TDP1: variants seen among roughly 807,000 people sequenced by gnomAD.
The protein encoded by TDP1 is tyrosyl-DNA phosphodiesterase 1.
In TDP1, 64 loss-of-function variants were observed where a neutral mutation model predicts 81.5. The observed-to-expected ratio is 0.79, with a 90% CI of 0.64 to 0.97. The LOEUF (loss-of-function observed/expected upper bound fraction) is 0.97, where lower values mean the gene tolerates loss of function less well. Ranked by LOEUF, TDP1 falls within the 50% of genes least tolerant of loss-of-function variation. TDP1 has a pLI of 0.00. For missense variants in TDP1, 723 were observed against 743.8 expected (o/e 0.97, Z 0.33); for synonymous variants, 256 against 264.3 (o/e 0.97, Z 0.30).
rs35575414 is a variant in TDP1, at chr14:89,989,169, A to G, written c.1317+79A>G. On this transcript the variant is annotated intron_variant, in intron 11 of 16. Coordinates refer to ENST00000335725, the MANE Select transcript of TDP1 (RefSeq NM_018319.4). ...GAATTGAAAATTGGTCCTCTTTGTA[A>G]TGGAGAGATGTTTTATTCTGTGATT... 1.4e-3 allele frequency: 1,737 copies of G among 1,210,198 alleles called. 18 individuals are homozygous for G. The African/African-American group carries it at 0.023, about 16-fold the overall frequency. 75.0% of individuals were successfully genotyped at this position (1,210,198 alleles called of 1,614,324 possible).
At chr14:90,007,543 C>T (rs763060950) in intron 14 of TDP1, among the ~76,000 whole-genome samples, 13 of 152,164 alleles carry the variant, frequency 8.5e-5, no homozygotes, top group East Asian at 3.9e-4. Context: ...GAGCTGAGAT[C>T]GCTCCACTGC....
chr14:90,022,166 C>T (rs1886162710), intron 15 of TDP1, among the ~76,000 whole-genome samples: 1 of 152,210 alleles, frequency 6.6e-6, no homozygotes, highest in Admixed American at 6.5e-5. Flanking sequence ...GAGACAGAGA[C>T]ATCCTTCCTG....
intron 7 of TDP1, chr14:89,980,318 C>A: frequency 1.3e-5 from 13 of 985,218 alleles, no homozygotes; most frequent in Non-Finnish European, 1.6e-5. Context: ...GTTGAAAGTT[C>A]TTTTACCACC....
chr14:89,989,191 GA>G (rs1895903729), intron 11 of TDP1, 101 bp downstream of exon 11: 59 of 811,842 alleles, frequency 7.3e-5, no homozygotes, highest in South Asian at 1.1e-4. Flanking sequence ...TTTATTCTGT[GA>G]TTCTTTTTTT....
chr14:89,983,661 T>TAAC (rs1895246858), intron 8 of TDP1, among the ~76,000 whole-genome samples: 1 of 152,246 alleles, frequency 6.6e-6, no homozygotes, highest in Non-Finnish European at 1.5e-5. Context: ...GCAGCCTTGT[T>TAAC]AACCCCACTT....
At chr14:89,984,107 C>T in intron 8 of TDP1, 1 of 985,340 alleles carries the variant, frequency 1.0e-6, no homozygotes, top group Non-Finnish European at 1.2e-6. Flanking sequence ...CAAATTCTTG[C>T]TTGGGATTAC....
At chr14:90,021,146 A>G (rs1251316659) in intron 15 of TDP1, among the ~76,000 whole-genome samples, 1 of 152,098 alleles carries the variant, frequency 6.6e-6, no homozygotes, top group Non-Finnish European at 1.5e-5. Flanking sequence ...AGCGTCGTTC[A>G]CTGTTTCTCA....
intron 12 of TDP1, among the ~76,000 whole-genome samples, chr14:89,990,434 T>TGG (rs1896046403): frequency 2.0e-5 from 3 of 152,158 alleles, no homozygotes; most frequent in Admixed American, 1.3e-4. Flanking sequence ...CATTTGTTGA[T>TGG]GGCTGAAAGC....
At chr14:89,956,477 C>G (rs1046584129) in intron 1 of TDP1, 101 bp from the exon 2 acceptor site, 1 of 152,410 alleles carries the variant, frequency 6.6e-6, no homozygotes, top group African/African-American at 2.4e-5. Flanking sequence ...GTAAGGTTAG[C>G]AGCTGCTGCC....
intron 14 of TDP1, among the ~76,000 whole-genome samples, chr14:89,998,370 CATTATATATATATA>C (rs1293408178): frequency 2.4e-4 from 24 of 98,294 alleles, no homozygotes; most frequent in African/African-American, 9.2e-4. Context: ...GTTCCAAGCA[CATTATATATATATA>C]TATATATATA....
chr14:89,960,243 C>G (rs1366024947), intron 2 of TDP1, among the ~76,000 whole-genome samples: 1 of 152,052 alleles, frequency 6.6e-6, no homozygotes, highest in Non-Finnish European at 1.5e-5. Context: ...CTTCTAGACT[C>G]TAGAACACTA....
chr14:90,016,724 T>TACACACAC (rs137874807), intron 14 of TDP1, among the ~76,000 whole-genome samples: 1 of 151,768 alleles, frequency 6.6e-6, no homozygotes, highest in African/African-American at 2.4e-5. Context: ...CTTTAAGAAA[T>TACACACAC]ACACACACAC....
intron 14 of TDP1, among the ~76,000 whole-genome samples, chr14:90,015,523 CT>C (rs1224412850): frequency 6.6e-6 from 1 of 152,194 alleles, no homozygotes; most frequent in Non-Finnish European, 1.5e-5. Context: ...GCTGTGGTGG[CT>C]TGGTGCCTCA....
chr14:90,022,980 A>T, intron 15 of TDP1: 1 of 744,716 alleles, frequency 1.3e-6, no homozygotes, highest in South Asian at 1.4e-5. Context: ...GGGACTACCC[A>T]CCTCCATACT....
chr14:89,958,258 C>T (rs1253323442), intron 2 of TDP1: 1 of 152,428 alleles, frequency 6.6e-6, no homozygotes, highest in Non-Finnish European at 1.5e-5. Context: ...GCAGCTCCCT[C>T]TCCCATTGCT....
intron 8 of TDP1, 156 bp from the exon 9 acceptor site, chr14:89,984,360 G>A (rs1297264915): frequency 1.0e-6 from 1 of 985,154 alleles, no homozygotes; most frequent in African/African-American, 1.7e-5. Context: ...CCATTGGAGT[G>A]GTGTTCTCAG....
At chr14:89,984,177 A>G in intron 8 of TDP1, 1 of 985,416 alleles carries the variant, frequency 1.0e-6, no homozygotes, top group Non-Finnish European at 1.2e-6. Flanking sequence ...CTTGTCATCA[A>G]GTCTTAGAAA....
intron 7 of TDP1, among the ~76,000 whole-genome samples, chr14:89,976,832 T>C (rs1894397300): frequency 6.6e-6 from 1 of 151,904 alleles, no homozygotes. Flanking sequence ...CTACCATGCC[T>C]GGCCAAGAGC....
At chr14:90,019,487 T>C in intron 15 of TDP1, 69 bp downstream of exon 15, 1 of 882,710 alleles carries the variant, frequency 1.1e-6, no homozygotes, top group African/African-American at 1.6e-5. Flanking sequence ...TTCTCTTCCT[T>C]TAGTCACAAC....
Sources: allele counts gnomAD v4.1 joint callset (sites outside exome capture counted in the v4.1 genomes callset), GRCh38; gene constraint gnomAD v4.1.1; transcripts MANE v1.5; gene names NCBI Gene and HGNC (gene_info 2026-07-23, HGNC 2026-07-21).